The following PRRG3 variants were observed in gnomAD, a reference collection of about 807,000 sequenced individuals.
The protein encoded by PRRG3 is proline rich and Gla domain 3.
PRRG3 carries 21 observed loss-of-function variants against 15.8 expected under a neutral mutation model. That is an observed-to-expected ratio of 1.33 (90% CI 0.94 to 1.92). The LOEUF is 1.92. Ranked by LOEUF, PRRG3 falls within the 40% of genes most tolerant of loss-of-function variation. The pLI is 0.00. For synonymous variants in PRRG3, 125 were observed against 84.1 expected, an observed-to-expected ratio of 1.49 and a Z score of -2.66; for missense variants, 251 against 200.2, an observed-to-expected ratio of 1.25 and a Z score of -1.53.
At position 151,701,159 on chromosome X, in the gene PRRG3, A is replaced by C; in HGVS notation, c.*126A>C. On this transcript the variant is annotated 3_prime_UTR_variant, in exon 4 of 4. Transcript: ENST00000674457. ...CTCCTTGTTGCCAAATAATTCCCTA[A>C]CTGTGGAGTTTTAGGAAGTCAGTTG... 106 of 555,564 alleles carry C rather than the reference A, an allele frequency of 1.9e-4. No homozygotes were observed. The highest frequency in any genetic ancestry group is 2.2e-4 in the Non-Finnish European group (89 of 397,045). 45.8% of individuals were successfully genotyped at this position (555,564 alleles called of 1,213,427 possible).
chrX:151,698,918 C>T (rs1602986022), intron 2 of PRRG3, 97 bp downstream of exon 2: 1 of 830,841 alleles, frequency 1.2e-6, no homozygotes, highest in South Asian at 2.5e-5. Flanking sequence ...GCCCCCTACC[C>T]CCCAAGTGGG....
Position 151,705,127 on chromosome X carries a change from G to C in PRRG3, c.*4094G>C, listed in dbSNP as rs2014954946. Reference sequence around the variant, plus strand: ...TCTCGTATGTACAGGGTGATCTCTTGTTCTCTCTCCATCACAGGGATGTTG... The same window carrying C: ...TCTCGTATGTACAGGGTGATCTCTTCTTCTCTCTCCATCACAGGGATGTTG... On this transcript the variant is annotated 3_prime_UTR_variant, in exon 4 of 4. Coordinates refer to ENST00000674457, the MANE Select transcript of PRRG3 (RefSeq NM_001372163.1). 1 of 274,881 alleles carries C rather than the reference G, an allele frequency of 3.6e-6. No individual in the cohort carries two copies. 22.7% of individuals were successfully genotyped at this position (274,881 alleles called of 1,213,427 possible).
At chrX:151,699,105 G>A (rs1430821020) in intron 2 of PRRG3, among the ~76,000 whole-genome samples, 1 of 113,124 alleles carries the variant, frequency 8.8e-6, no homozygotes, top group Non-Finnish European at 1.9e-5. Flanking sequence ...AGACATGCCA[G>A]CTTGGGCATC....
At chrX:151,700,408 A>T (rs2014847870) in intron 3 of PRRG3, 98 bp from the exon 4 acceptor site, 3 of 1,126,082 alleles carry the variant, frequency 2.7e-6, no homozygotes, top group African/African-American at 3.6e-5. Context: ...CTGTGAGACA[A>T]GTCAGATGGG....
chrX:151,705,113 C>T lies in PRRG3; in HGVS notation c.*4080C>T, dbSNP rs897448820. On this transcript the variant is annotated 3_prime_UTR_variant, in exon 4 of 4. Transcript: ENST00000674457. The stretch of plus-strand genomic sequence containing the variant: ...TGCAGTTCAGCACTTCTCGTATGTA[C>T]AGGGTGATCTCTTGTTCTCTCTCCA... The T allele has an allele frequency of 2.3e-5, 6 of 264,646 alleles. No homozygotes were observed. Among genetic ancestry groups the T allele is most frequent in the Admixed American group, 1.9e-4 (4 of 21,231 alleles). 21.8% of individuals were successfully genotyped at this position (264,646 alleles called of 1,213,427 possible). A position where few individuals can be genotyped will look rare whatever the true frequency, so the allele number is the denominator to read the frequency against.
At chrX:151,699,660 G>C (rs1424006541) in intron 2 of PRRG3, among the ~76,000 whole-genome samples, 1 of 113,092 alleles carries the variant, frequency 8.8e-6, no homozygotes, top group African/African-American at 3.2e-5. Context: ...TTTAGTCACT[G>C]AACATTGCCT....
upstream of PRRG3, chrX:151,695,317 G>A (rs1433282742): frequency 3.7e-5 from 4 of 109,006 alleles, no homozygotes; most frequent in African/African-American, 1.3e-4. Flanking sequence ...AGGGGCGGGG[G>A]TTCCAGGCGC....
chrX:151,697,082 TCCTTCCTTCCTTCCTCCCTCCCTC>T (rs1172456625), intron 1 of PRRG3, among the ~76,000 whole-genome samples: 4 of 77,600 alleles, frequency 5.2e-5, no homozygotes, highest in African/African-American at 2.3e-4. Flanking sequence ...CCCTTCTCCT[TCCTTCCTTCCTTCCTCCCTCCCTC>T]CCTTCCTTCC....
In PRRG3 at chrX:151,705,392, C is replaced by T. The variant is rs1391860334; in HGVS notation, c.*4359C>T. 5.8e-6 allele frequency: 2 copies of T among 343,012 alleles called. No individual in the cohort carries two copies. The highest frequency in any genetic ancestry group is 3.1e-5 in the Admixed American group (1 of 32,238). 28.3% of individuals were successfully genotyped at this position (343,012 alleles called of 1,213,427 possible). A position where few individuals can be genotyped will look rare whatever the true frequency, so the allele number is the denominator to read the frequency against. On this transcript the variant is annotated 3_prime_UTR_variant, in exon 4 of 4. Transcript: ENST00000674457. ...AGCAAGAATTTATCTGACAAACATA[C>T]CCAAATAGCACACCCTCTCAAGCTC...
At position 151,700,697 on chromosome X, in the gene PRRG3, C is replaced by T. The variant is rs775395243; in HGVS notation, c.360C>T (p.Tyr120=). ...RHHPSYAQNR[Y]LASRAGHTLP... Reference sequence around the variant, plus strand: ...ACCCCTCCTATGCTCAGAACCGGTACCTAGCCAGTCGCGCCGGGCACACCC... The same window carrying T: ...ACCCCTCCTATGCTCAGAACCGGTATCTAGCCAGTCGCGCCGGGCACACCC... The change falls in exon 4 of 4, where the codon TAC becomes TAT. Residue 120 remains tyrosine (Y), a synonymous_variant. Transcript: ENST00000674457. The T allele has an allele frequency of 5.8e-6, 7 of 1,208,236 alleles. No homozygotes were observed. The highest frequency in any genetic ancestry group is 5.3e-5 in the African/African-American group (3 of 56,764).
At chrX:151,700,314 C>A in intron 3 of PRRG3, 158 bp downstream of exon 3, 1 of 1,147,786 alleles carries the variant, frequency 8.7e-7, no homozygotes, top group Non-Finnish European at 1.2e-6. Flanking sequence ...ACGTACAGTC[C>A]CATTGCCTGA....
At chrX:151,699,788 C>A (rs191698075) in intron 2 of PRRG3, among the ~76,000 whole-genome samples, 28 of 113,050 alleles carry the variant, frequency 2.5e-4, no homozygotes, top group Admixed American at 2.3e-3. Context: ...GTATTCTAGA[C>A]AGGTGTATCA....
At position 151,700,017 on chromosome X, in the gene PRRG3, C is replaced by T; in HGVS notation, c.29C>T (p.Ala10Val). 2 of 1,208,499 alleles carry T rather than the reference C, an allele frequency of 1.7e-6. No homozygotes were observed. The highest frequency in any genetic ancestry group is 2.2e-6 in the Non-Finnish European group (2 of 893,497). MAVFLEAKDAHSVLKRFPRA... is the reference protein window; with the variant it reads MAVFLEAKDVHSVLKRFPRA... ...TCAGTGTTTCTGGAGGCCAAGGATGCCCATTCGGTCCTGAAACGATTCCCT... is the reference window on the plus strand; with the variant it reads ...TCAGTGTTTCTGGAGGCCAAGGATGTCCATTCGGTCCTGAAACGATTCCCT... The change falls in exon 3 of 4, where the codon GCC becomes GTC. Residue 10 changes from alanine (A) to valine (V), a missense_variant. Physicochemically the swap from Ala to Val is moderately conservative, Grantham distance 64. Transcript: ENST00000674457.
rs1234031910 is a variant in PRRG3 at position 151,697,155 on chromosome X, C to CCTCTCTTT, written c.-31-1610_-31-1603dup. ...CTCTCCCTCCCTCTCTCCCTCTCTC[C>CCTCTCTTT]CTCTCTTTCTCTCTTTCTCTCTTTC... is the stretch of plus-strand genomic sequence containing the variant. On this transcript the variant is annotated intron_variant, in intron 1 of 3. Transcript: ENST00000674457. 2.2e-4 allele frequency among the ~76,000 whole-genome samples: 21 copies of CCTCTCTTT among 94,074 alleles called. No homozygotes were observed. In the East Asian group the frequency reaches 6.7e-3, roughly 30 times the overall value. The allele number at this position is 94,074 out of a possible 115,157, so 81.7% of individuals were successfully genotyped here.
intron 3 of PRRG3, 141 bp downstream of exon 3, chrX:151,700,297 A>T (rs771483006): frequency 2.6e-6 from 3 of 1,166,475 alleles, no homozygotes; most frequent in Non-Finnish European, 2.3e-6. Flanking sequence ...CACGGAGCAG[A>T]TAAAGTACGT....
In PRRG3 at chrX:151,701,021, C is replaced by A. The variant is rs781475481; in HGVS notation, c.684C>A (p.Gly228=). Residue 228 remains glycine (G), a synonymous_variant, in exon 4 of 4, where the codon GGC becomes GGA. Transcript: ENST00000674457. ...AGGAGATAGTGGCCGCCAACCCTGG[C>A]GCTGACAAGTAGTGGGACGTTTGTG... ...KYEEIVAANP[G]ADK 7 of 1,149,330 alleles carry A rather than the reference C, an allele frequency of 6.1e-6. No homozygotes were observed. Among genetic ancestry groups the A allele is most frequent in the Non-Finnish European group, 8.1e-6 (7 of 863,979 alleles). The allele number at this position is 1,149,330 out of a possible 1,213,427, so 94.7% of individuals were successfully genotyped here.
chrX:151,696,857 T>G (rs1392091587), intron 1 of PRRG3, among the ~76,000 whole-genome samples: 1 of 112,042 alleles, frequency 8.9e-6, no homozygotes, highest in African/African-American at 3.2e-5. Context: ...GTTGACAAAT[T>G]CACATGTTGA....
At position 151,703,162 on chromosome X, in the gene PRRG3, G is replaced by A. The variant is rs1218175844; in HGVS notation, c.*2129G>A. The stretch of plus-strand genomic sequence containing the variant: ...TGGAGGGCAACATGTGTCCTTCAGG[G>A]GCTGAGGACAGGCCGTGGGAAGAGT... On this transcript the variant is annotated 3_prime_UTR_variant, in exon 4 of 4. Transcript: ENST00000674457. 8.9e-6 allele frequency: 1 copy of A among 112,333 alleles called. No homozygotes were observed. Among genetic ancestry groups the A allele is most frequent in the South Asian group, 3.7e-4 (1 of 2,707 alleles). The allele number at this position is 112,333 out of a possible 1,213,427, so 9.3% of individuals were successfully genotyped here.
Position 151,704,455 on chromosome X carries a change from G to C in PRRG3, c.*3422G>C, listed in dbSNP as rs1158908055. ...GCCGGATGCTTCCCCTCTCCCAGTG[G>C]GTGGAGCATCGCAACCCCCAGCCAG... On this transcript the variant is annotated 3_prime_UTR_variant, in exon 4 of 4. Transcript: ENST00000674457. 1 of 111,546 alleles carries C rather than the reference G, an allele frequency of 9.0e-6. No homozygotes were observed. Among genetic ancestry groups the C allele is most frequent in the Admixed American group, 9.5e-5 (1 of 10,554 alleles). 9.2% of individuals were successfully genotyped at this position (111,546 alleles called of 1,213,427 possible).
Sources: gnomAD v4.1 joint callset for allele counts (sites outside exome capture counted in the v4.1 genomes callset) on GRCh38, gnomAD v4.1.1 for gene constraint, MANE v1.5 for transcripts, NCBI Gene and HGNC (gene_info 2026-07-23, HGNC 2026-07-21) for gene names.